The following TRIM24 variants were observed in gnomAD, a reference collection of about 807,000 sequenced individuals.
TRIM24 encodes transcription intermediary factor 1-alpha.
A neutral mutation model predicts 123.9 loss-of-function variants in TRIM24; 29 were observed. The ratio of observed to expected loss-of-function variants is 0.23; its 90% CI spans 0.17 to 0.32. The LOEUF is 0.32. Ranked by LOEUF, TRIM24 falls within the 10% of genes least tolerant of loss-of-function variation. The pLI, the probability that TRIM24 is intolerant of heterozygous loss-of-function variation, is 1.00. For synonymous variants in TRIM24, 456 were observed against 461.1 expected, an observed-to-expected ratio of 0.99 and a Z score of 0.14; for missense variants, 932 against 1,295.3, an observed-to-expected ratio of 0.72 and a Z score of 4.31.
chr7:138,585,868 A>G lies in TRIM24; in HGVS notation c.*917A>G, dbSNP rs1798007034. On this transcript the variant is annotated 3_prime_UTR_variant, in exon 19 of 19. Transcript: ENST00000343526. ...ATTTGATGTGAGGGTTCTTCATCAT[A>G]TACCCTACTGGGCATTAAATATAAG... The G allele has an allele frequency of 1.9e-6, 1 of 518,920 alleles. No individual in the cohort carries two copies. Among genetic ancestry groups the G allele is most frequent in the Non-Finnish European group, 3.8e-6 (1 of 259,906 alleles). The allele number at this position is 518,920 out of a possible 1,614,324, so 32.1% of individuals were successfully genotyped here.
rs116754289 is a variant in TRIM24, at chr7:138,552,728, G to A, written c.1261+1548G>A. On this transcript the variant is annotated intron_variant, in intron 8 of 18. Transcript: ENST00000343526. ...ATAAGGGAAGAACAAAAAGAATCCCGGAAGCAAAGGTGATAAGGAGACCCC... is the reference window on the plus strand; with the variant it reads ...ATAAGGGAAGAACAAAAAGAATCCCAGAAGCAAAGGTGATAAGGAGACCCC... Among the ~76,000 whole-genome samples, 782 of 152,184 alleles carry A rather than the reference G, an allele frequency of 5.1e-3. 4 individuals carry two copies. The highest frequency in any genetic ancestry group is 0.018 in the African/African-American group (747 of 41,510).
intron 12 of TRIM24, 31 bp from the exon 13 acceptor site, chr7:138,576,342 T>C (rs771930957): frequency 2.5e-6 from 4 of 1,593,336 alleles, no homozygotes; most frequent in Middle Eastern, 3.3e-4. Flanking sequence ...TATTCATTCG[T>C]TTTATGAATG....
intron 1 of TRIM24, among the ~76,000 whole-genome samples, chr7:138,486,437 C>G (rs1182098229): frequency 6.6e-6 from 1 of 152,120 alleles, no homozygotes; most frequent in Non-Finnish European, 1.5e-5. Flanking sequence ...ATGGTATTGC[C>G]TAGGTTTTCT....
chr7:138,587,506 T>C lies in TRIM24; in HGVS notation c.*2555T>C, dbSNP rs1424045600. 6.6e-6 allele frequency: 1 copy of C among 152,138 alleles called. No individual in the cohort carries two copies. The highest frequency in any genetic ancestry group is 1.5e-5 in the Non-Finnish European group (1 of 68,022). 9.4% of individuals were successfully genotyped at this position (152,138 alleles called of 1,614,324 possible). A position where few individuals can be genotyped will look rare whatever the true frequency, so the allele number is the denominator to read the frequency against. On this transcript the variant is annotated 3_prime_UTR_variant, in exon 19 of 19. Coordinates refer to ENST00000343526, the MANE Select transcript of TRIM24 (RefSeq NM_015905.3). ...ATTCTGTTCAAATAGAAATAAACCA[T>C]AAAATGAGCCTAACTATAACCCACA... is the stretch of plus-strand genomic sequence containing the variant.
At position 138,508,728 on chromosome 7, in the gene TRIM24, T is replaced by TGC. The variant is rs1485995449; in HGVS notation, c.483+4321_483+4322insCG. Among the ~76,000 whole-genome samples the TGC allele has an allele frequency of 3.6e-3, 486 of 136,390 alleles. 5 individuals are homozygous for TGC. Among genetic ancestry groups the TGC allele is most frequent in the African/African-American group, 0.013 (472 of 37,434 alleles). The allele number at this position is 136,390 out of a possible 152,430, so 89.5% of individuals were successfully genotyped here. On this transcript the variant is annotated intron_variant, in intron 2 of 18. Coordinates refer to ENST00000343526, the MANE Select transcript of TRIM24 (RefSeq NM_015905.3). ...GTGTGCGTGTGTGTGTGCGTGTGTGTGTGTGTGTGTGTGTGTGTCACTCTG... is the reference window on the plus strand; with the variant it reads ...GTGTGCGTGTGTGTGTGCGTGTGTGTGCGTGTGTGTGTGTGTGTGTCACTCTG...
chr7:138,470,685 A>G (rs1203082667), intron 1 of TRIM24, among the ~76,000 whole-genome samples: 6 of 152,240 alleles, frequency 3.9e-5, no homozygotes, highest in South Asian at 2.1e-4. Context: ...GCTTGTTTCA[A>G]TTAACGACAG....
chr7:138,465,313 A>G (rs1477269929), intron 1 of TRIM24, among the ~76,000 whole-genome samples: 1 of 152,170 alleles, frequency 6.6e-6, no homozygotes, highest in Non-Finnish European at 1.5e-5. Flanking sequence ...TATCTAGGAG[A>G]GAGGCAAAAC....
chr7:138,489,989 G>A (rs181329728), intron 1 of TRIM24, among the ~76,000 whole-genome samples: 1 of 152,264 alleles, frequency 6.6e-6, no homozygotes, highest in East Asian at 1.9e-4. Flanking sequence ...CAGGTATACC[G>A]ATCAGACGTA....
Position 138,519,179 on chromosome 7 carries a change from G to A in TRIM24, c.632-10G>A. Reference sequence around the variant, plus strand: ...AATTTTCTTCTCTTTGTCTCCCATTGTTTCTGCAGAGGCAGTTGGTGTCAC... The same window carrying A: ...AATTTTCTTCTCTTTGTCTCCCATTATTTCTGCAGAGGCAGTTGGTGTCAC... On this transcript the variant is annotated splice_polypyrimidine_tract_variant and intron_variant, in intron 3 of 18. Transcript: ENST00000343526. 2 of 1,613,914 alleles carry A rather than the reference G, an allele frequency of 1.2e-6. No individual in the cohort carries two copies. The highest frequency in any genetic ancestry group is 1.1e-5 in the South Asian group (1 of 91,070).
At chr7:138,463,634 A>T (rs1365311132) in intron 1 of TRIM24, among the ~76,000 whole-genome samples, 4 of 152,188 alleles carry the variant, frequency 2.6e-5, no homozygotes, top group Non-Finnish European at 5.9e-5. Flanking sequence ...TGGCCATGAC[A>T]TATGGACTTG....
intron 1 of TRIM24, among the ~76,000 whole-genome samples, chr7:138,487,637 T>G: frequency 6.6e-6 from 1 of 152,236 alleles, no homozygotes; most frequent in Non-Finnish European, 1.5e-5. Context: ...GTTTATGTGA[T>G]GGATTACGTT....
chr7:138,554,996 T>TA lies in TRIM24; in HGVS notation c.1530+31dup. 3.7e-6 allele frequency: 6 copies of TA among 1,600,222 alleles called. No individual in the cohort carries two copies. Among genetic ancestry groups the TA allele is most frequent in the Non-Finnish European group, 3.4e-6 (4 of 1,170,446 alleles). ...ATTTGGAAGCAGGCCTGTCCTCACT[T>TA]AGATAATTATAGTATAATTGTGTTT... is the stretch of plus-strand genomic sequence containing the variant. On this transcript the variant is annotated intron_variant, in intron 9 of 18. Transcript: ENST00000343526. This position sits in a 1 kb window ranked among gnomAD's most constrained non-coding sequence, Gnocchi z 4.5.
At chr7:138,464,636 G>T (rs1246379901) in intron 1 of TRIM24, among the ~76,000 whole-genome samples, 1 of 152,092 alleles carries the variant, frequency 6.6e-6, no homozygotes, top group Non-Finnish European at 1.5e-5. Context: ...AATTAAAAAT[G>T]TGTGAATATT....
At chr7:138,551,609 A>G (rs1314978288) in intron 8 of TRIM24, among the ~76,000 whole-genome samples, 2 of 152,230 alleles carry the variant, frequency 1.3e-5, no homozygotes, top group Non-Finnish European at 2.9e-5. Flanking sequence ...CTGATAAGAA[A>G]ACATTCTATA....
At chr7:138,561,074 C>A (rs1300026023) in intron 9 of TRIM24, among the ~76,000 whole-genome samples, 1 of 152,208 alleles carries the variant, frequency 6.6e-6, no homozygotes, top group African/African-American at 2.4e-5. Context: ...GCTCCATGAA[C>A]ATGCAATGTG....
chr7:138,532,842 T>C (rs530091073), intron 6 of TRIM24, among the ~76,000 whole-genome samples: 5 of 152,370 alleles, frequency 3.3e-5, no homozygotes, highest in African/African-American at 1.2e-4. Context: ...TTCCTATCCA[T>C]GAGCATGGAA....
intron 1 of TRIM24, among the ~76,000 whole-genome samples, chr7:138,467,397 A>G (rs917120733): frequency 6.6e-6 from 1 of 152,144 alleles, no homozygotes; most frequent in African/African-American, 2.4e-5. Flanking sequence ...GCTGGAGTGC[A>G]GTAATGTGAT....
chr7:138,505,700 C>T (rs192261550), intron 2 of TRIM24, among the ~76,000 whole-genome samples: 1 of 152,270 alleles, frequency 6.6e-6, no homozygotes, highest in Non-Finnish European at 1.5e-5. Flanking sequence ...CCATGCCCAA[C>T]TAACTAAAGG....
intron 4 of TRIM24, among the ~76,000 whole-genome samples, chr7:138,523,027 A>G (rs1451387655): frequency 2.0e-5 from 3 of 152,222 alleles, no homozygotes; most frequent in Non-Finnish European, 4.4e-5. Flanking sequence ...TTCACTAAAC[A>G]TTTATTGCAG....
Sources: gnomAD v4.1 joint callset for allele counts (sites outside exome capture counted in the v4.1 genomes callset) on GRCh38, gnomAD v4.1.1 for gene constraint, Gnocchi (gnomAD v3.1) non-coding constraint, MANE v1.5 for transcripts, NCBI Gene and HGNC (gene_info 2026-07-23, HGNC 2026-07-21) for gene names.